The following TMEM185A variants were observed in gnomAD, a reference collection of about 807,000 sequenced individuals.
TMEM185A encodes the protein family with sequence similarity 11, member A.
A neutral mutation model predicts 25.0 loss-of-function variants in TMEM185A; 9 were observed. That is an observed-to-expected ratio of 0.36 (90% CI 0.22 to 0.63). The LOEUF (loss-of-function observed/expected upper bound fraction) is 0.63. TMEM185A is among the 20% of genes least tolerant of loss of function. The probability of loss-of-function intolerance (pLI) is 0.68; values close to 1 mark genes in which losing one functional copy is unlikely to be tolerated. For missense variants in TMEM185A, 103 were observed against 237.4 expected (o/e 0.43, Z 3.72); for synonymous variants, 45 against 93.5 (o/e 0.48, Z 2.99).
At position 149,631,529 on chromosome X, in the gene TMEM185A, C is replaced by G; in HGVS notation, c.38+14G>C. On this transcript the variant is annotated intron_variant, in intron 1 of 6. Transcript: ENST00000600449. Reference sequence around the variant, plus strand: ...CAGCGCGGACTCCCGGGGGCGCCAACGACGCCGCCTCACCTCGGGTTGAAG... The same window carrying G: ...CAGCGCGGACTCCCGGGGGCGCCAAGGACGCCGCCTCACCTCGGGTTGAAG... The G allele has an allele frequency of 1.7e-6, 2 of 1,162,583 alleles. No homozygotes were observed. Among genetic ancestry groups the G allele is most frequent in the Non-Finnish European group, 2.3e-6 (2 of 870,716 alleles).
intron 2 of TMEM185A, 63 bp downstream of exon 2, chrX:149,611,224 G>T: frequency 9.4e-7 from 1 of 1,064,734 alleles, no homozygotes; most frequent in Non-Finnish European, 1.3e-6. Flanking sequence ...CATCAAAAGT[G>T]AGAAAAGTCA....
chrX:149,619,460 T>C (rs1388404028), intron 1 of TMEM185A, among the ~76,000 whole-genome samples: 2 of 110,756 alleles, frequency 1.8e-5, no homozygotes, highest in Non-Finnish European at 3.8e-5. Flanking sequence ...GTGTGTGTGA[T>C]AGAAGCATCT....
At chrX:149,605,550 T>TGGCCTCCC (rs2090046423) in intron 3 of TMEM185A, among the ~76,000 whole-genome samples, 19 of 104,828 alleles carry the variant, frequency 1.8e-4, no homozygotes, top group African/African-American at 4.2e-4. Flanking sequence ...TCACTTTCTA[T>TGGCCTCCC]AGCCTCCCAT....
At chrX:149,604,778 T>A (rs147733108) in intron 3 of TMEM185A, among the ~76,000 whole-genome samples, 1 of 111,103 alleles carries the variant, frequency 9.0e-6, no homozygotes, top group Non-Finnish European at 1.9e-5. Context: ...AAGACAGCTT[T>A]CATCAAAGTC....
intron 1 of TMEM185A, among the ~76,000 whole-genome samples, chrX:149,613,937 T>C (rs2090097537): frequency 8.9e-6 from 1 of 112,186 alleles, no homozygotes; most frequent in Non-Finnish European, 1.9e-5. Context: ...ATGTAGAAAG[T>C]ACTGATCAAT....
chrX:149,627,827 C>T (rs1557356201), intron 1 of TMEM185A, among the ~76,000 whole-genome samples: 2 of 112,254 alleles, frequency 1.8e-5, no homozygotes, highest in Admixed American at 9.4e-5. Flanking sequence ...TCACTTGGCA[C>T]GAGATAGGAA....
intron 1 of TMEM185A, among the ~76,000 whole-genome samples, chrX:149,611,977 G>A (rs782222608): frequency 1.8e-5 from 2 of 112,533 alleles, no homozygotes; most frequent in African/African-American, 3.2e-5. Context: ...GCAGCCATCT[G>A]TCATATTCAT....
At chrX:149,622,362 C>T (rs905972884) in intron 1 of TMEM185A, among the ~76,000 whole-genome samples, 2 of 111,558 alleles carry the variant, frequency 1.8e-5, no homozygotes, top group Non-Finnish European at 3.8e-5. Flanking sequence ...CTTCCTCATG[C>T]TACTCTTAAA....
At chrX:149,611,236 G>T in intron 2 of TMEM185A, 51 bp downstream of exon 2, 5 of 1,097,444 alleles carry the variant, frequency 4.6e-6, no homozygotes, top group Non-Finnish European at 6.1e-6. Context: ...GAAAAGTCAA[G>T]ATATTGCTCC....
chrX:149,631,193 C>A (rs1434399181), intron 1 of TMEM185A, among the ~76,000 whole-genome samples: 1 of 109,498 alleles, frequency 9.1e-6, no homozygotes, highest in Non-Finnish European at 1.9e-5. Flanking sequence ...ATGGAGGGCC[C>A]GCAGCGGCGC....
In TMEM185A at chrX:149,611,302, C is replaced by A; in HGVS notation, c.200G>T (p.Arg67Leu). 1 of 1,208,330 alleles carries A rather than the reference C, an allele frequency of 8.3e-7. No homozygotes were observed. Among genetic ancestry groups the A allele is most frequent in the Non-Finnish European group, 1.1e-6 (1 of 894,406 alleles). Reference protein sequence around the residue: ...GASVGTGVWARNPQYRAEGET... With the variant: ...GASVGTGVWALNPQYRAEGET... ...GCAGTATTACCGATATTGAGGATTT[C>A]GTGCCCAGACTCCAGTTCCAACTGA... is the stretch of plus-strand genomic sequence containing the variant. The change falls in exon 2 of 7, where the codon CGA (arginine) becomes CTA (leucine). Residue 67 changes from arginine to leucine, a missense_variant. Physicochemically the swap from Arg to Leu is moderately radical, Grantham distance 102. Around this residue, in one of 2 missense-constraint regions of TMEM185A, gnomAD observed 102 missense variants for 125.7 expected, o/e 0.81. Coordinates refer to ENST00000600449, the MANE Select transcript of TMEM185A (RefSeq NM_032508.4).
At chrX:149,619,459 A>G (rs1025277298) in intron 1 of TMEM185A, among the ~76,000 whole-genome samples, 2 of 109,929 alleles carry the variant, frequency 1.8e-5, no homozygotes, top group African/African-American at 6.6e-5. Context: ...TGTGTGTGTG[A>G]TAGAAGCATC....
At chrX:149,625,214 C>A (rs2090158018) in intron 1 of TMEM185A, among the ~76,000 whole-genome samples, 1 of 111,711 alleles carries the variant, frequency 9.0e-6, no homozygotes, top group Non-Finnish European at 1.9e-5. Context: ...AGCTTAACTT[C>A]TGGAGTCCTA....
At chrX:149,623,241 G>C (rs1328872044) in intron 1 of TMEM185A, among the ~76,000 whole-genome samples, 1 of 111,726 alleles carries the variant, frequency 9.0e-6, no homozygotes, top group Non-Finnish European at 1.9e-5. Flanking sequence ...GTGCTGCAGA[G>C]ACAGGAGAAA....
At chrX:149,612,146 C>T (rs782341601) in intron 1 of TMEM185A, among the ~76,000 whole-genome samples, 53 of 112,000 alleles carry the variant, frequency 4.7e-4, no homozygotes, top group Non-Finnish European at 9.6e-4. Flanking sequence ...CCAGCCTTGA[C>T]TTAATAATAG....
At chrX:149,616,888 T>G (rs936134470) in intron 1 of TMEM185A, among the ~76,000 whole-genome samples, 17 of 112,609 alleles carry the variant, frequency 1.5e-4, no homozygotes, top group African/African-American at 5.5e-4. Flanking sequence ...CAAAGCTTAC[T>G]ATAAAGCTAC....
At chrX:149,608,287 T>C (rs6641340) in intron 3 of TMEM185A, among the ~76,000 whole-genome samples, 1,722 of 111,410 alleles carry the variant, frequency 0.015, 35 homozygotes, top group African/African-American at 0.054. Flanking sequence ...GGGTAAGAAA[T>C]TGACATCTGA....
chrX:149,612,734 G>A, intron 1 of TMEM185A, among the ~76,000 whole-genome samples: 1 of 111,945 alleles, frequency 8.9e-6, no homozygotes, highest in Admixed American at 9.4e-5. Context: ...GCTTATCAGG[G>A]GACTCTGGCA....
intron 1 of TMEM185A, among the ~76,000 whole-genome samples, chrX:149,619,806 C>T (rs1192426778): frequency 3.3e-4 from 37 of 111,026 alleles, no homozygotes; most frequent in African/African-American, 1.1e-3. Context: ...TCCAATTTCA[C>T]CCATGTCCCT....
Sources: allele counts gnomAD v4.1 joint callset (sites outside exome capture counted in the v4.1 genomes callset), GRCh38; gene constraint gnomAD v4.1.1; regional missense constraint gnomAD v4.1.1; transcripts MANE v1.5; gene names NCBI Gene and HGNC (gene_info 2026-07-23, HGNC 2026-07-21).